The following ETV3 variants were observed in gnomAD, a reference collection of about 807,000 sequenced individuals.
ETV3 encodes ETS variant transcription factor 3.
ETV3 carries 8 observed loss-of-function variants against 33.0 expected under a neutral mutation model. The ratio of observed to expected loss-of-function variants is 0.24; its 90% CI spans 0.14 to 0.44. The LOEUF is 0.44. Ranked by LOEUF, ETV3 falls within the 20% of genes least tolerant of loss-of-function variation. ETV3 has a pLI of 1.00. For synonymous variants in ETV3, 222 were observed against 238.9 expected (o/e 0.93, Z 0.65); for missense variants, 473 against 652.3 (o/e 0.73, Z 2.99).
chr1:157,126,759 C>G (rs939002141), intron 4 of ETV3, among the ~76,000 whole-genome samples: 3 of 147,516 alleles, frequency 2.0e-5, no homozygotes, highest in Admixed American at 6.7e-5. Flanking sequence ...TGCGGAGGGG[C>G]AGAGCTGCCC....
At chr1:157,126,821 C>T (rs894907304) in intron 4 of ETV3, among the ~76,000 whole-genome samples, 20 of 147,310 alleles carry the variant, frequency 1.4e-4, no homozygotes, top group Non-Finnish European at 2.2e-4. Context: ...TAGGGAGGGA[C>T]AGAGCTGCCC....
chr1:157,131,455 G>T (rs1354667937), intron 4 of ETV3, among the ~76,000 whole-genome samples: 1 of 152,062 alleles, frequency 6.6e-6, no homozygotes, highest in Non-Finnish European at 1.5e-5. Flanking sequence ...ATTAAACCCG[G>T]CATATCTTAT....
chr1:157,136,325 T>C lies in ETV3; in HGVS notation c.28A>G (p.Lys10Glu), dbSNP rs1256324717. Residue 10 changes from lysine (K) to glutamate (E), a missense_variant, in exon 2 of 5, where the codon AAG becomes GAG. Transcript: ENST00000368192. ...TGCTCACCTCCACCTCCTTCTGGCT[T>C]TTCCACGATGCTACAGCCGGCTTTC... The part of the protein sequence containing the change: MKAGCSIVE[K>E]PEGGGGYQFP... 17 of 1,611,708 alleles carry C rather than the reference T, an allele frequency of 1.1e-5. No homozygotes were observed. The highest frequency in any genetic ancestry group is 1.6e-4 in the Middle Eastern group (1 of 6,078).
rs545659811 is a variant in ETV3, at chr1:157,124,047, C to T, written c.*794G>A. 6.6e-6 allele frequency: 1 copy of T among 152,204 alleles called. No homozygotes were observed. Among genetic ancestry groups the T allele is most frequent in the South Asian group, 2.1e-4 (1 of 4,820 alleles). 9.4% of individuals were successfully genotyped at this position (152,204 alleles called of 1,614,324 possible). A position where few individuals can be genotyped will look rare whatever the true frequency, so the allele number is the denominator to read the frequency against. On this transcript the variant is annotated 3_prime_UTR_variant, in exon 5 of 5. Transcript: ENST00000368192. ...AACAAGAGTTTACAACTCCTCATGGCTTCTTAATAGGTGAAGTAGGTGAAA... is the reference window on the plus strand; with the variant it reads ...AACAAGAGTTTACAACTCCTCATGGTTTCTTAATAGGTGAAGTAGGTGAAA...
chr1:157,133,534 G>T, intron 4 of ETV3: 1 of 985,974 alleles, frequency 1.0e-6, no homozygotes. Flanking sequence ...AGTCAAGAGG[G>T]GAAGCCCTAC....
intron 4 of ETV3, 185 bp downstream of exon 4, chr1:157,133,927 A>T: frequency 7.1e-7 from 1 of 1,412,586 alleles, no homozygotes; most frequent in Non-Finnish European, 9.2e-7. Context: ...CTATCTTGAT[A>T]CTGAATAGCC....
At chr1:157,133,199 TTTA>T (rs1333976618) in intron 4 of ETV3, 2 of 160,470 alleles carry the variant, frequency 1.2e-5, no homozygotes, top group African/African-American at 4.8e-5. Flanking sequence ...ATTTTTCTAT[TTTA>T]TTATTGTCAT....
intron 4 of ETV3, among the ~76,000 whole-genome samples, chr1:157,131,280 A>G (rs1172975290): frequency 6.6e-6 from 1 of 152,204 alleles, no homozygotes; most frequent in African/African-American, 2.4e-5. Flanking sequence ...ATGCAAATAT[A>G]AGAAAATATT....
chr1:157,135,453 G>C lies in ETV3; in HGVS notation c.284+18C>G. On this transcript the variant is annotated intron_variant, in intron 3 of 4. Coordinates refer to ENST00000368192, the MANE Select transcript of ETV3 (RefSeq NM_001145312.3). ...CCTTCCAATCTGTTAACACAGATTT[G>C]GGAATCCTTTTCCTTACCTGAGGGC... The C allele has an allele frequency of 1.2e-6, 2 of 1,613,382 alleles. No individual in the cohort carries two copies. The highest frequency in any genetic ancestry group is 8.5e-7 in the Non-Finnish European group (1 of 1,179,478).
intron 4 of ETV3, chr1:157,128,640 T>C (rs946291787): frequency 4.7e-6 from 1 of 212,056 alleles, no homozygotes; most frequent in Non-Finnish European, 1.0e-5. Context: ...GCAGACTTGA[T>C]AGATTATCTC....
At chr1:157,132,956 G>A (rs542370703) in intron 4 of ETV3, among the ~76,000 whole-genome samples, 1 of 152,268 alleles carries the variant, frequency 6.6e-6, no homozygotes, top group East Asian at 1.9e-4. Flanking sequence ...CTGAGAAGTT[G>A]TATTACTGCA....
At chr1:157,133,678 TTTGATGATATTCAC>T in intron 4 of ETV3, 1 of 992,298 alleles carries the variant, frequency 1.0e-6, no homozygotes, top group African/African-American at 1.7e-5. Flanking sequence ...ATGCTGTGGT[TTTGATGATATTCAC>T]TTGATAAGGG....
intron 4 of ETV3, among the ~76,000 whole-genome samples, chr1:157,132,250 T>C (rs1225489904): frequency 1.3e-5 from 2 of 152,238 alleles, no homozygotes; most frequent in East Asian, 3.8e-4. Flanking sequence ...GCCCGGCCCC[T>C]TGTGGCTTTT....
chr1:157,137,990 A>C (rs1236318434), intron 1 of ETV3, among the ~76,000 whole-genome samples: 1 of 152,146 alleles, frequency 6.6e-6, no homozygotes, highest in Non-Finnish European at 1.5e-5. Flanking sequence ...AGGCATGCAC[A>C]GTCTGGCGCT....
intron 4 of ETV3, among the ~76,000 whole-genome samples, chr1:157,130,564 C>A (rs1026608565): frequency 1.3e-5 from 2 of 152,104 alleles, no homozygotes; most frequent in African/African-American, 2.4e-5. Flanking sequence ...AATCTTTGAC[C>A]CCCTCTGGCA....
At chr1:157,136,241 G>T in intron 2 of ETV3, 66 bp downstream of exon 2, 2 of 1,462,468 alleles carry the variant, frequency 1.4e-6, no homozygotes, top group South Asian at 1.1e-5. Context: ...CAGAGCTCAA[G>T]TGGAGAGGAC....
chr1:157,131,464 A>T (rs988886526), intron 4 of ETV3, among the ~76,000 whole-genome samples: 52 of 152,296 alleles, frequency 3.4e-4, no homozygotes, highest in Non-Finnish European at 5.9e-5. Context: ...GGCATATCTT[A>T]TCTCTCCTGC....
chr1:157,136,315 CCTT>C lies in ETV3; in HGVS notation c.35_37del (p.Glu12del), dbSNP rs1290125905. ...GATTAACTTCTGCTCACCTCCACCTCCTTCTGGCTTTTCCACGATGCTACAGCC... is the reference window on the plus strand; with the variant it reads ...GATTAACTTCTGCTCACCTCCACCTCCTGGCTTTTCCACGATGCTACAGCC... On this transcript the variant is annotated inframe_deletion, in exon 2 of 5. Transcript: ENST00000368192. 6.2e-7 allele frequency: 1 copy of C among 1,612,256 alleles called. No homozygotes were observed. The highest frequency in any genetic ancestry group is 1.7e-5 in the Admixed American group (1 of 59,654).
chr1:157,129,640 C>G (rs1674923987), intron 4 of ETV3, among the ~76,000 whole-genome samples: 1 of 152,124 alleles, frequency 6.6e-6, no homozygotes, highest in Non-Finnish European at 1.5e-5. Flanking sequence ...CCAAGAGGGT[C>G]CCAGGCCAAA....
Sources: allele counts gnomAD v4.1 joint callset (sites outside exome capture counted in the v4.1 genomes callset), GRCh38; gene constraint gnomAD v4.1.1; transcripts MANE v1.5; gene names NCBI Gene and HGNC (gene_info 2026-07-23, HGNC 2026-07-21).